Variants in GLI2 observed in about 807,000 individuals in gnomAD.
The protein encoded by GLI2 is transcription activator GLI2.
A neutral mutation model predicts 78.9 loss-of-function variants in GLI2; 22 were observed. The observed-to-expected ratio is 0.28, with a 90% CI of 0.20 to 0.40. GLI2 has a LOEUF of 0.40. Ranked by LOEUF, GLI2 falls within the 10% of genes least tolerant of loss-of-function variation. The pLI, the probability that GLI2 is intolerant of heterozygous loss-of-function variation, is 1.00. For synonymous variants in GLI2, 974 were observed against 963.7 expected (o/e 1.01, Z -0.20); for missense variants, 2,097 against 2,213.2 (o/e 0.95, Z 1.05).
intron 2 of GLI2, among the ~76,000 whole-genome samples, chr2:120,832,517 G>C (rs895477): frequency 0.063 from 9,663 of 152,180 alleles, 404 homozygotes; most frequent in Middle Eastern, 0.19. Context: ...AACCTCGCTT[G>C]CTTCTCCTCT....
At chr2:120,886,161 TGTGTGTGTGTGTGTG>T (rs1489140058) in intron 2 of GLI2, among the ~76,000 whole-genome samples, 1,143 of 3,522 alleles carry the variant, frequency 0.32, 12 homozygotes, top group Middle Eastern at 0.5. Flanking sequence ...TTTTCCAAAG[TGTGTGTGTGTGTGTG>T]TGTGTGTGTG....
chr2:120,741,006 T>C (rs929897731), intron 1 of GLI2, among the ~76,000 whole-genome samples: 2 of 152,234 alleles, frequency 1.3e-5, no homozygotes, highest in Admixed American at 1.3e-4. Flanking sequence ...GCTGTGCCGG[T>C]TGAGCCTGTA....
intron 3 of GLI2, among the ~76,000 whole-genome samples, chr2:120,932,839 C>A (rs1680008600): frequency 6.6e-6 from 1 of 152,162 alleles, no homozygotes; most frequent in South Asian, 2.1e-4. Flanking sequence ...ACAGCATGTC[C>A]TTGGGAGAGT....
chr2:120,762,524 A>T (rs542194310), intron 1 of GLI2, among the ~76,000 whole-genome samples: 8 of 152,170 alleles, frequency 5.3e-5, no homozygotes, highest in Non-Finnish European at 1.5e-5. Flanking sequence ...AGGAAGGGGC[A>T]GGTCCCAGGA....
chr2:120,753,877 C>G (rs944357163), intron 1 of GLI2, among the ~76,000 whole-genome samples: 2 of 148,250 alleles, frequency 1.3e-5, no homozygotes, highest in South Asian at 2.1e-4. Context: ...GATCGCGCCA[C>G]TGCACTCCAG....
At chr2:120,978,338 TG>T (rs182948437) in intron 9 of GLI2, 95 bp from the exon 10 acceptor site, 74 of 1,336,224 alleles carry the variant, frequency 5.5e-5, no homozygotes, top group East Asian at 1.9e-4. Flanking sequence ...CGGGGAGGGC[TG>T]GGGGGGTGCC....
chr2:120,780,966 G>C (rs1683829198), intron 1 of GLI2, among the ~76,000 whole-genome samples: 1 of 152,186 alleles, frequency 6.6e-6, no homozygotes, highest in South Asian at 2.1e-4. Context: ...GGGGCTGTGA[G>C]CTGGCTCACC....
intron 10 of GLI2, among the ~76,000 whole-genome samples, chr2:120,980,262 G>T (rs970783968): frequency 2.6e-5 from 4 of 152,166 alleles, no homozygotes; most frequent in Non-Finnish European, 5.9e-5. Context: ...ATGAATGAGG[G>T]TTCTGATTTC....
intron 8 of GLI2, among the ~76,000 whole-genome samples, chr2:120,974,105 G>A (rs949383453): frequency 2.6e-5 from 4 of 152,130 alleles, no homozygotes; most frequent in African/African-American, 9.7e-5. Context: ...TTTGAAGTGC[G>A]AAGCAATCTT....
intron 2 of GLI2, among the ~76,000 whole-genome samples, chr2:120,878,462 A>G (rs1485393119): frequency 6.6e-6 from 1 of 152,250 alleles, no homozygotes; most frequent in Non-Finnish European, 1.5e-5. Flanking sequence ...ATTAGTGTCT[A>G]GCTATGGACT....
chr2:120,876,147 C>T lies in GLI2; in HGVS notation c.149-51214C>T, dbSNP rs1054139264. Among the ~76,000 whole-genome samples, 5 of 152,268 alleles carry T rather than the reference C, an allele frequency of 3.3e-5. No individual in the cohort carries two copies. The South Asian group carries it at 1.0e-3, about 32-fold the overall frequency. ...ACGAGGTCAGGAGATGGAGACCATCCTGGCTAACGCGGTGAAACCCCGTCT... is the reference window on the plus strand; with the variant it reads ...ACGAGGTCAGGAGATGGAGACCATCTTGGCTAACGCGGTGAAACCCCGTCT... On this transcript the variant is annotated intron_variant, in intron 2 of 13. Transcript: ENST00000361492.
chr2:120,919,391 GT>G (rs1384669449), intron 2 of GLI2, among the ~76,000 whole-genome samples: 2 of 152,222 alleles, frequency 1.3e-5, no homozygotes, highest in Non-Finnish European at 2.9e-5. Flanking sequence ...CACTCCTCAC[GT>G]AAGAGTGCCC....
chr2:120,932,824 CG>C (rs1284079085), intron 3 of GLI2, among the ~76,000 whole-genome samples: 1 of 152,126 alleles, frequency 6.6e-6, no homozygotes, highest in Non-Finnish European at 1.5e-5. Context: ...TGGCAGAGGC[CG>C]GCCACAGCAT....
At chr2:120,914,293 C>G (rs7586107) in intron 2 of GLI2, among the ~76,000 whole-genome samples, 10,919 of 152,288 alleles carry the variant, frequency 0.072, 826 homozygotes, top group African/African-American at 0.19. Context: ...TGGCCTAGCC[C>G]TGGCCTGTGA....
At chr2:120,942,083 A>G (rs1246700869) in intron 3 of GLI2, among the ~76,000 whole-genome samples, 1 of 152,206 alleles carries the variant, frequency 6.6e-6, no homozygotes, top group Non-Finnish European at 1.5e-5. Context: ...GTTTAGTCTC[A>G]GAAGAACGAT....
intron 3 of GLI2, among the ~76,000 whole-genome samples, chr2:120,945,310 G>A (rs1228052917): frequency 1.3e-5 from 2 of 152,002 alleles, no homozygotes; most frequent in Non-Finnish European, 2.9e-5. Context: ...ACACACACAC[G>A]AGGAAAAGGG....
intron 2 of GLI2, among the ~76,000 whole-genome samples, chr2:120,803,808 T>G (rs984214192): frequency 6.6e-6 from 1 of 152,218 alleles, no homozygotes; most frequent in African/African-American, 2.4e-5. Context: ...CCTGGGCATA[T>G]GTATTTTTAA....
chr2:120,860,471 G>A (rs1687853866), intron 2 of GLI2, among the ~76,000 whole-genome samples: 1 of 152,222 alleles, frequency 6.6e-6, no homozygotes, highest in Non-Finnish European at 1.5e-5. Context: ...CAGAAGCTCA[G>A]AGGGCCCCCT....
chr2:120,770,535 G>A (rs1199016827), intron 1 of GLI2, among the ~76,000 whole-genome samples: 1 of 152,188 alleles, frequency 6.6e-6, no homozygotes, highest in Non-Finnish European at 1.5e-5. Context: ...CTCTGTATTT[G>A]GGATTTGGGC....
Sources: gnomAD v4.1 joint callset for allele counts (sites outside exome capture counted in the v4.1 genomes callset) on GRCh38, gnomAD v4.1.1 for gene constraint, MANE v1.5 for transcripts, NCBI Gene and HGNC (gene_info 2026-07-23, HGNC 2026-07-21) for gene names.